Variants in THADA observed in about 807,000 individuals in gnomAD.
The protein encoded by THADA is tRNA (32-2'-O)-methyltransferase regulator THADA.
THADA carries 213 observed loss-of-function variants against 219.8 expected under a neutral mutation model. The ratio of observed to expected loss-of-function variants is 0.97; its 90% CI spans 0.87 to 1.09. The LOEUF is 1.09. Ranked by LOEUF, THADA falls within the 50% of genes least tolerant of loss-of-function variation. THADA has a pLI of 0.00. For synonymous variants in THADA, 1,018 were observed against 828.9 expected (o/e 1.23, Z -3.92); for missense variants, 2,956 against 2,311.3 (o/e 1.28, Z -5.72).
chr2:43,350,581 G>A (rs1393641438), intron 29 of THADA, among the ~76,000 whole-genome samples: 3 of 152,198 alleles, frequency 2.0e-5, no homozygotes, highest in African/African-American at 7.2e-5. Context: ...CTGGGTATAA[G>A]TACCTACTTA....
chr2:43,410,018 T>G (rs544149892), intron 28 of THADA, among the ~76,000 whole-genome samples: 59 of 132,084 alleles, frequency 4.5e-4, no homozygotes, highest in African/African-American at 1.7e-3. Flanking sequence ...TCTCATCTCT[T>G]AAAAAAAAAA....
At chr2:43,466,280 T>G (rs1280581911) in intron 26 of THADA, among the ~76,000 whole-genome samples, 3 of 152,212 alleles carry the variant, frequency 2.0e-5, no homozygotes, top group Non-Finnish European at 4.4e-5. Flanking sequence ...TTCAAGAAAT[T>G]CTGAATTGAA....
At chr2:43,521,114 G>A (rs1692403444) in intron 22 of THADA, among the ~76,000 whole-genome samples, 1 of 133,512 alleles carries the variant, frequency 7.5e-6, no homozygotes, top group Admixed American at 7.3e-5. Flanking sequence ...GGGAAGGGAG[G>A]GAAGGTAGGG....
intron 29 of THADA, among the ~76,000 whole-genome samples, chr2:43,355,377 C>T (rs1020238186): frequency 2.2e-4 from 34 of 152,130 alleles, no homozygotes; most frequent in African/African-American, 7.0e-4. Flanking sequence ...CCCCTTTCTC[C>T]GTATCTTCGC....
At chr2:43,287,281 C>T (rs991000172) in intron 34 of THADA, among the ~76,000 whole-genome samples, 4 of 152,204 alleles carry the variant, frequency 2.6e-5, no homozygotes, top group African/African-American at 7.2e-5. Flanking sequence ...TATGACTAGA[C>T]AACAAGTTCC....
At chr2:43,344,297 T>C in intron 29 of THADA, 60 bp from the exon 30 acceptor site, 1 of 1,194,354 alleles carries the variant, frequency 8.4e-7, no homozygotes, top group Non-Finnish European at 1.2e-6. Flanking sequence ...AAATGCTCAG[T>C]TCCTCCCTTT....
chr2:43,298,857 C>A (rs1286327628), intron 31 of THADA, among the ~76,000 whole-genome samples: 1 of 152,148 alleles, frequency 6.6e-6, no homozygotes, highest in Non-Finnish European at 1.5e-5. Context: ...TTTGGGACTT[C>A]TTGACCTACA....
chr2:43,514,066 A>G (rs541375307), intron 22 of THADA, among the ~76,000 whole-genome samples: 9 of 152,010 alleles, frequency 5.9e-5, no homozygotes, highest in Admixed American at 2.0e-4. Flanking sequence ...TCCCTTAAAA[A>G]AAAAAAAAAT....
chr2:43,295,770 T>A (rs867176956), intron 31 of THADA, among the ~76,000 whole-genome samples: 1 of 152,162 alleles, frequency 6.6e-6, no homozygotes. Context: ...CTTGCAATAA[T>A]TCGAGATTTA....
intron 19 of THADA, among the ~76,000 whole-genome samples, chr2:43,550,037 C>T (rs1696569028): frequency 6.6e-6 from 1 of 152,102 alleles, no homozygotes; most frequent in Non-Finnish European, 1.5e-5. Flanking sequence ...CATTTTTATT[C>T]CCTAAGCACT....
intron 28 of THADA, among the ~76,000 whole-genome samples, chr2:43,411,516 C>G (rs1676303344): frequency 6.6e-6 from 1 of 152,114 alleles, no homozygotes; most frequent in South Asian, 2.1e-4. Context: ...ATTAAACCTG[C>G]TTTCTAATAT....
chr2:43,374,321 T>C (rs564810035), intron 29 of THADA, among the ~76,000 whole-genome samples: 1 of 152,328 alleles, frequency 6.6e-6, no homozygotes, highest in Non-Finnish European at 1.5e-5. Flanking sequence ...AAGTTAGGAA[T>C]ACAGGTTCTG....
At chr2:43,336,217 C>T (rs1256545498) in intron 30 of THADA, among the ~76,000 whole-genome samples, 1 of 152,156 alleles carries the variant, frequency 6.6e-6, no homozygotes, top group African/African-American at 2.4e-5. Context: ...TATGACCATG[C>T]CACTGCATTC....
intron 26 of THADA, among the ~76,000 whole-genome samples, chr2:43,476,953 A>G (rs17030890): frequency 0.087 from 13,227 of 152,248 alleles, 634 homozygotes; most frequent in South Asian, 0.14. Flanking sequence ...AAGGTCTACA[A>G]TTATGAAATT....
At chr2:43,404,464 A>G (rs1334332110) in intron 28 of THADA, among the ~76,000 whole-genome samples, 1 of 148,504 alleles carries the variant, frequency 6.7e-6, no homozygotes, top group East Asian at 2.0e-4. Context: ...GAGTGCTGGG[A>G]TTATAAGCAT....
intron 31 of THADA, among the ~76,000 whole-genome samples, chr2:43,301,297 A>C (rs1390246921): frequency 6.6e-6 from 1 of 152,254 alleles, no homozygotes; most frequent in Non-Finnish European, 1.5e-5. Context: ...TCTTTCAAAT[A>C]AAAACACCAA....
At chr2:43,498,686 C>A in intron 25 of THADA, 147 bp downstream of exon 25, 5 of 926,770 alleles carry the variant, frequency 5.4e-6, no homozygotes, top group East Asian at 2.8e-5. Context: ...TATCAAGAAT[C>A]AAAAATGTAG....
intron 31 of THADA, among the ~76,000 whole-genome samples, chr2:43,304,923 C>T (rs1216305596): frequency 2.0e-5 from 3 of 152,272 alleles, no homozygotes; most frequent in Middle Eastern, 3.4e-3. Flanking sequence ...CCACCCACCT[C>T]GGCCTCCCAA....
At chr2:43,435,789 A>C (rs1680019431) in intron 26 of THADA, among the ~76,000 whole-genome samples, 2 of 150,432 alleles carry the variant, frequency 1.3e-5, no homozygotes. Context: ...ACCAAAAAAA[A>C]AAAAAAAAAA....
Sources: allele counts gnomAD v4.1 joint callset (sites outside exome capture counted in the v4.1 genomes callset), GRCh38; gene constraint gnomAD v4.1.1; transcripts MANE v1.5; gene names NCBI Gene and HGNC (gene_info 2026-07-23, HGNC 2026-07-21).